ZC3H3: variants seen among roughly 807,000 people sequenced by gnomAD.
ZC3H3 encodes the protein zinc finger CCCH-type containing 3.
In ZC3H3, 36 loss-of-function variants were observed where a neutral mutation model predicts 77.3. The observed-to-expected ratio is 0.47, with a 90% CI of 0.36 to 0.61. The LOEUF is 0.61. ZC3H3 is among the 20% of genes least tolerant of loss of function. The probability of loss-of-function intolerance (pLI) is 0.00; values close to 1 mark genes in which losing one functional copy is unlikely to be tolerated. For synonymous variants in ZC3H3, 626 were observed against 555.2 expected (o/e 1.13, Z -1.79); for missense variants, 1,331 against 1,312.2 (o/e 1.01, Z -0.22).
At chr8:143,484,849 C>A (rs1312019923) in intron 4 of ZC3H3, 2 of 455,014 alleles carry the variant, frequency 4.4e-6, no homozygotes, top group African/African-American at 2.0e-5. Flanking sequence ...GGCCCTGGGA[C>A]AGCCCCTCCG....
chr8:143,477,782 G>A (rs969387476), intron 4 of ZC3H3, among the ~76,000 whole-genome samples: 1 of 152,234 alleles, frequency 6.6e-6, no homozygotes, highest in Admixed American at 6.5e-5. Flanking sequence ...GTACTCACAG[G>A]CCTCAGGGGT....
At chr8:143,523,384 G>T (rs778696440) in intron 3 of ZC3H3, 2 of 985,304 alleles carry the variant, frequency 2.0e-6, no homozygotes, top group African/African-American at 1.7e-5. Flanking sequence ...GAATGCTGCC[G>T]CGACGCCCCT....
chr8:143,481,271 G>A (rs557381126), intron 4 of ZC3H3, among the ~76,000 whole-genome samples: 1 of 152,330 alleles, frequency 6.6e-6, no homozygotes, highest in East Asian at 1.9e-4. Context: ...AGTGGGGCCA[G>A]AGACCCTCAT....
rs1435702502 is a variant in ZC3H3, at chr8:143,535,941, TC to T, written c.1561+315del. Among the ~76,000 whole-genome samples the T allele has an allele frequency of 4.6e-5, 7 of 152,216 alleles. No individual in the cohort carries two copies. The East Asian group carries it at 1.4e-3, about 29-fold the overall frequency. ...GCCCAGCGCAGCACAAGCGAGGGCT[TC>T]ACCCCTGCTTAAGGGCTCAGCAGCC... On this transcript the variant is annotated intron_variant, in intron 3 of 11. Coordinates refer to ENST00000262577, the MANE Select transcript of ZC3H3 (RefSeq NM_015117.3).
intron 3 of ZC3H3, among the ~76,000 whole-genome samples, chr8:143,508,473 T>C (rs1227467866): frequency 6.6e-6 from 1 of 152,230 alleles, no homozygotes; most frequent in Non-Finnish European, 1.5e-5. Context: ...TGCAGGGTGA[T>C]AGACACGACG....
Position 143,530,327 on chromosome 8 carries a change from G to A in ZC3H3, c.1561+5930C>T, listed in dbSNP as rs1190477679. The stretch of plus-strand genomic sequence containing the variant: ...CTTATTCCAGGCCACGGGGGAAGGG[G>A]GCAGGCCACCGGCATGCATCCACCA... On this transcript the variant is annotated intron_variant, in intron 3 of 11. Coordinates refer to ENST00000262577, the MANE Select transcript of ZC3H3 (RefSeq NM_015117.3). The surrounding 1 kb of genome is among the most constrained non-coding windows in gnomAD (Gnocchi z 4.3). 6.6e-6 allele frequency among the ~76,000 whole-genome samples: 1 copy of A among 152,152 alleles called. No homozygotes were observed. The highest frequency in any genetic ancestry group is 1.5e-5 in the Non-Finnish European group (1 of 68,014).
chr8:143,491,234 A>G (rs935355965), intron 4 of ZC3H3, among the ~76,000 whole-genome samples: 1 of 152,092 alleles, frequency 6.6e-6, no homozygotes, highest in African/African-American at 2.4e-5. Context: ...GGGGCCCTTG[A>G]GCTCCCTCCC....
At chr8:143,501,871 G>A (rs377641650) in intron 4 of ZC3H3, among the ~76,000 whole-genome samples, 6 of 152,344 alleles carry the variant, frequency 3.9e-5, no homozygotes, top group East Asian at 1.9e-4. Flanking sequence ...AGAAGATGGC[G>A]AGAACCCTGC....
chr8:143,468,589 C>T (rs1820478509), intron 6 of ZC3H3, 28 bp downstream of exon 6: 1 of 1,582,202 alleles, frequency 6.3e-7, no homozygotes, highest in African/African-American at 1.3e-5. Context: ...GCAGGGAGCC[C>T]ACCCACTGCC....
chr8:143,505,398 C>T (rs1368326337), intron 4 of ZC3H3, among the ~76,000 whole-genome samples: 1 of 152,218 alleles, frequency 6.6e-6, no homozygotes, highest in Non-Finnish European at 1.5e-5. Context: ...GCCCTTTCTG[C>T]CTAAACAACC....
intron 9 of ZC3H3, among the ~76,000 whole-genome samples, chr8:143,456,815 C>T (rs186903391): frequency 1.6e-3 from 248 of 152,270 alleles, no homozygotes; most frequent in African/African-American, 5.7e-3. Context: ...TTGCAGTGAA[C>T]TGTGATTGTG....
intron 9 of ZC3H3, among the ~76,000 whole-genome samples, chr8:143,451,947 A>G (rs1180041742): frequency 6.6e-6 from 1 of 152,216 alleles, no homozygotes; most frequent in Non-Finnish European, 1.5e-5. Flanking sequence ...GTGCTGATGG[A>G]AGGGATCGGG....
intron 9 of ZC3H3, among the ~76,000 whole-genome samples, chr8:143,455,280 C>A (rs1820086324): frequency 6.6e-6 from 1 of 152,018 alleles, no homozygotes; most frequent in African/African-American, 2.4e-5. Flanking sequence ...CACCACTGCA[C>A]TCCAGCCTAG....
At chr8:143,472,898 G>T (rs915021153) in intron 5 of ZC3H3, among the ~76,000 whole-genome samples, 2 of 152,204 alleles carry the variant, frequency 1.3e-5, no homozygotes, top group African/African-American at 4.8e-5. Context: ...TGCAGTGGGG[G>T]CCACTCCCTG....
chr8:143,500,688 G>A (rs1030993112), intron 4 of ZC3H3, among the ~76,000 whole-genome samples: 1 of 152,178 alleles, frequency 6.6e-6, no homozygotes, highest in African/African-American at 2.4e-5. Context: ...AGGCAATCAT[G>A]CCACACCCTG....
At chr8:143,529,814 C>T (rs1353080054) in intron 3 of ZC3H3, among the ~76,000 whole-genome samples, 1 of 152,208 alleles carries the variant, frequency 6.6e-6, no homozygotes, top group Non-Finnish European at 1.5e-5. Flanking sequence ...ACAGCTCACA[C>T]AGGCTCTCCC....
chr8:143,499,543 G>A (rs112365532), intron 4 of ZC3H3, among the ~76,000 whole-genome samples: 34 of 152,132 alleles, frequency 2.2e-4, no homozygotes, highest in African/African-American at 6.3e-4. Context: ...AAAATCAGTC[G>A]AAACTCAGCA....
chr8:143,494,258 G>A lies in ZC3H3; in HGVS notation c.1715+13488C>T, dbSNP rs1410296538. Among the ~76,000 whole-genome samples, 1 of 152,208 alleles carries A rather than the reference G, an allele frequency of 6.6e-6. No homozygotes were observed. The highest frequency in any genetic ancestry group is 1.5e-5 in the Non-Finnish European group (1 of 68,038). On this transcript the variant is annotated intron_variant, in intron 4 of 11. Transcript: ENST00000262577. The surrounding 1 kb of genome is among the most constrained non-coding windows in gnomAD (Gnocchi z 5.3). ...AGAGACTTCCTGCCACCCTCAGGCC[G>A]AACTTCCTGCTTTGATTTCTTTACC...
intron 4 of ZC3H3, among the ~76,000 whole-genome samples, chr8:143,505,982 C>G (rs1430465653): frequency 2.0e-5 from 3 of 152,238 alleles, no homozygotes; most frequent in Non-Finnish European, 4.4e-5. Flanking sequence ...TTGGAGGGAG[C>G]CTATCAGCTG....
Sources: allele counts gnomAD v4.1 joint callset (sites outside exome capture counted in the v4.1 genomes callset), GRCh38; gene constraint gnomAD v4.1.1; non-coding constraint Gnocchi (gnomAD v3.1); transcripts MANE v1.5; gene names NCBI Gene and HGNC (gene_info 2026-07-23, HGNC 2026-07-21).